The following SFXN1 variants were observed in gnomAD, a reference collection of about 807,000 sequenced individuals.
SFXN1 encodes the protein sideroflexin-1.
In SFXN1, 32 loss-of-function variants were observed where a neutral mutation model predicts 39.5. The ratio of observed to expected loss-of-function variants is 0.81; its 90% CI spans 0.61 to 1.09. The LOEUF is 1.09. Among genes scored for constraint, SFXN1 ranks in the 50% least tolerant of loss-of-function variants. The pLI is 0.00. For synonymous variants in SFXN1, 136 were observed against 146.5 expected (o/e 0.93, Z 0.52); for missense variants, 402 against 407.1 (o/e 0.99, Z 0.11).
At chr5:175,509,798 T>A (rs1581307931) in intron 3 of SFXN1, among the ~76,000 whole-genome samples, 1 of 152,170 alleles carries the variant, frequency 6.6e-6, no homozygotes, top group East Asian at 1.9e-4. Flanking sequence ...AATTGTATCT[T>A]TTTTCCCCAA....
At chr5:175,513,226 G>A (rs1420530438) in intron 6 of SFXN1, among the ~76,000 whole-genome samples, 5 of 144,548 alleles carry the variant, frequency 3.5e-5, no homozygotes, top group African/African-American at 7.7e-5. Flanking sequence ...CTTTGAACCC[G>A]GGAGGCAGAG....
At chr5:175,516,385 T>C (rs1760716623) in intron 7 of SFXN1, among the ~76,000 whole-genome samples, 1 of 152,240 alleles carries the variant, frequency 6.6e-6, no homozygotes, top group African/African-American at 2.4e-5. Context: ...TAAAACTTTC[T>C]GGCTGGCAGA....
chr5:175,514,002 T>G (rs1760631504), intron 7 of SFXN1, among the ~76,000 whole-genome samples: 1 of 151,972 alleles, frequency 6.6e-6, no homozygotes, highest in African/African-American at 2.4e-5. Context: ...AGAGCGTGGA[T>G]GGCAGCCCTG....
chr5:175,485,403 T>C (rs1759413006), intron 1 of SFXN1, among the ~76,000 whole-genome samples: 1 of 152,194 alleles, frequency 6.6e-6, no homozygotes, highest in Admixed American at 6.5e-5. Context: ...TTCCAGCTGC[T>C]AGGGGCTGCA....
chr5:175,499,196 A>G (rs923837545), intron 2 of SFXN1, among the ~76,000 whole-genome samples: 1 of 151,998 alleles, frequency 6.6e-6, no homozygotes, highest in Non-Finnish European at 1.5e-5. Context: ...CGGAGGTTGC[A>G]GTGAGCCGAG....
chr5:175,491,940 T>A (rs949585231), intron 1 of SFXN1, 155 bp from the exon 2 acceptor site: 11 of 486,360 alleles, frequency 2.3e-5, no homozygotes, highest in African/African-American at 2.2e-4. Flanking sequence ...TAGCTTTGAA[T>A]TTAGATGGCC....
Position 175,513,604 on chromosome 5 carries a change from T to A in SFXN1, c.724+14T>A. ...CCCCTGGCATGGGTTAGCAGGACTTTGTCATTTATTCCATAAATACAGGTT... is the reference window on the plus strand; with the variant it reads ...CCCCTGGCATGGGTTAGCAGGACTTAGTCATTTATTCCATAAATACAGGTT... On this transcript the variant is annotated intron_variant, in intron 7 of 10. Transcript: ENST00000321442. The A allele has an allele frequency of 6.2e-7, 1 of 1,613,326 alleles. No individual in the cohort carries two copies. Among genetic ancestry groups the A allele is most frequent in the Non-Finnish European group, 8.5e-7 (1 of 1,179,544 alleles).
At chr5:175,482,708 A>C (rs10036800) in intron 1 of SFXN1, among the ~76,000 whole-genome samples, 10,546 of 152,202 alleles carry the variant, frequency 0.069, 545 homozygotes, top group African/African-American at 0.15. Context: ...CTATGAGCCA[A>C]CTCTTACCTG....
chr5:175,512,587 T>C (rs1169446367), intron 6 of SFXN1, among the ~76,000 whole-genome samples: 1 of 152,212 alleles, frequency 6.6e-6, no homozygotes, highest in Non-Finnish European at 1.5e-5. Context: ...GAATTTTCTT[T>C]TGGGGCTTAA....
chr5:175,514,677 A>G (rs1409860525), intron 7 of SFXN1, among the ~76,000 whole-genome samples: 1 of 152,208 alleles, frequency 6.6e-6, no homozygotes, highest in Non-Finnish European at 1.5e-5. Context: ...ATCAGCAGGC[A>G]AGGAAGAGCA....
chr5:175,524,779 T>C (rs976580270), intron 10 of SFXN1, among the ~76,000 whole-genome samples: 1 of 151,864 alleles, frequency 6.6e-6, no homozygotes, highest in Non-Finnish European at 1.5e-5. Context: ...TCTGGTGAGA[T>C]TAATCAAAAC....
chr5:175,517,951 C>T (rs963626042), intron 8 of SFXN1, among the ~76,000 whole-genome samples: 1 of 152,058 alleles, frequency 6.6e-6, no homozygotes, highest in Non-Finnish European at 1.5e-5. Context: ...CAGACTCCTC[C>T]GCAAACATGA....
intron 2 of SFXN1, among the ~76,000 whole-genome samples, chr5:175,503,190 T>G (rs1022017578): frequency 5.3e-5 from 8 of 152,158 alleles, no homozygotes; most frequent in Admixed American, 3.9e-4. Flanking sequence ...CTTAGCAAAT[T>G]GGACACTTAA....
chr5:175,480,153 G>A (rs548266895), intron 1 of SFXN1, among the ~76,000 whole-genome samples: 2 of 152,184 alleles, frequency 1.3e-5, no homozygotes, highest in African/African-American at 4.8e-5. Context: ...TGTAATCCCA[G>A]CACTTTGGGT....
At chr5:175,487,707 A>G (rs1416707749) in intron 1 of SFXN1, among the ~76,000 whole-genome samples, 2 of 152,102 alleles carry the variant, frequency 1.3e-5, no homozygotes, top group Non-Finnish European at 2.9e-5. Flanking sequence ...TCCAGATTAC[A>G]CTTCTCCCCT....
rs1488913154 is a variant in SFXN1, at chr5:175,528,687, A to T, written c.*1953A>T. On this transcript the variant is annotated 3_prime_UTR_variant, in exon 11 of 11. Transcript: ENST00000321442. ...TTTGGGCCACTCAGAGCCTTCCTTGATGCTGCCAGAGTCTTCTTATTTAGA... is the reference window on the plus strand; with the variant it reads ...TTTGGGCCACTCAGAGCCTTCCTTGTTGCTGCCAGAGTCTTCTTATTTAGA... 6.6e-6 allele frequency: 1 copy of T among 152,184 alleles called. No individual in the cohort carries two copies. Among genetic ancestry groups the T allele is most frequent in the African/African-American group, 2.4e-5 (1 of 41,430 alleles). 9.4% of individuals were successfully genotyped at this position (152,184 alleles called of 1,614,324 possible).
Position 175,513,458 on chromosome 5 carries a change from T to C in SFXN1, c.597-5T>C, listed in dbSNP as rs1366364097. Reference sequence around the variant, plus strand: ...GGAGCTCTCTGTATGTGTTTTGCTCTGCAGGGAACTCAAAGTTGGCATTCC... The same window carrying C: ...GGAGCTCTCTGTATGTGTTTTGCTCCGCAGGGAACTCAAAGTTGGCATTCC... On this transcript the variant is annotated splice_polypyrimidine_tract_variant and splice_region_variant and intron_variant, in intron 6 of 10. Transcript: ENST00000321442. 1 of 1,613,770 alleles carries C rather than the reference T, an allele frequency of 6.2e-7. No homozygotes were observed. Among genetic ancestry groups the C allele is most frequent in the South Asian group, 1.1e-5 (1 of 91,062 alleles).
At chr5:175,493,225 A>C (rs1019219305) in intron 2 of SFXN1, among the ~76,000 whole-genome samples, 7 of 151,702 alleles carry the variant, frequency 4.6e-5, no homozygotes, top group African/African-American at 1.5e-4. Flanking sequence ...TCGCCACTGC[A>C]CTCCAGCCTG....
Position 175,514,715 on chromosome 5 carries a change from G to A in SFXN1, c.724+1125G>A, listed in dbSNP as rs145774746. 6.2e-4 allele frequency among the ~76,000 whole-genome samples: 94 copies of A among 152,298 alleles called. No individual in the cohort carries two copies. In the East Asian group the frequency reaches 0.015, roughly 24 times the overall value. ...CAACAAAAGTTGAAAAGTGCATGAAGGAAAACTTTGAGGAATATGATATTC... is the reference window on the plus strand; with the variant it reads ...CAACAAAAGTTGAAAAGTGCATGAAAGAAAACTTTGAGGAATATGATATTC... On this transcript the variant is annotated intron_variant, in intron 7 of 10. Coordinates refer to ENST00000321442, the MANE Select transcript of SFXN1 (RefSeq NM_022754.7).
Sources: allele counts gnomAD v4.1 joint callset (sites outside exome capture counted in the v4.1 genomes callset), GRCh38; gene constraint gnomAD v4.1.1; transcripts MANE v1.5; gene names NCBI Gene and HGNC (gene_info 2026-07-23, HGNC 2026-07-21).